The following ADIPOQ variants were observed in gnomAD, a reference collection of about 807,000 sequenced individuals.
ADIPOQ encodes the protein adiponectin.
In ADIPOQ, 19 loss-of-function variants were observed where a neutral mutation model predicts 16.1. The observed-to-expected ratio is 1.18, with a 90% CI of 0.82 to 1.73. The LOEUF is 1.73. Among genes scored for constraint, ADIPOQ ranks in the 40% most tolerant of loss-of-function variants. The pLI is 0.00. For synonymous variants in ADIPOQ, 124 were observed against 125.5 expected, an observed-to-expected ratio of 0.99 and a Z score of 0.08; for missense variants, 323 against 308.3, an observed-to-expected ratio of 1.05 and a Z score of -0.36.
chr3:186,847,429 AACT>A (rs1352955374), intron 1 of ADIPOQ, among the ~76,000 whole-genome samples: 1 of 152,254 alleles, frequency 6.6e-6, no homozygotes, highest in East Asian at 1.9e-4. Context: ...GTTATACAAC[AACT>A]ATGTTATTTA....
At position 186,854,592 on chromosome 3, in the gene ADIPOQ, G is replaced by A. The variant is rs200107352; in HGVS notation, c.623G>A (p.Gly208Asp). 3.7e-6 allele frequency: 6 copies of A among 1,614,032 alleles called. No homozygotes were observed. The highest frequency in any genetic ancestry group is 5.1e-6 in the Non-Finnish European group (6 of 1,179,912). The change falls in exon 3 of 3, where the codon GGC becomes GAC. Residue 208 changes from glycine to aspartate, a missense_variant. Transcript: ENST00000320741. The stretch of plus-strand genomic sequence containing the variant: ...TCTGTGCTCCTGCATCTGGAGGTGG[G>A]CGACCAAGTCTGGCTCCAGGTGTAT... ...SGSVLLHLEV[G>D]DQVWLQVYGE...
intron 1 of ADIPOQ, among the ~76,000 whole-genome samples, chr3:186,844,596 T>A (rs756198034): frequency 4.6e-4 from 69 of 150,710 alleles, no homozygotes; most frequent in Non-Finnish European, 3.1e-4. Context: ...CAGGCTGGAG[T>A]GCAGTGGTGC....
intron 1 of ADIPOQ, among the ~76,000 whole-genome samples, chr3:186,849,974 A>C (rs894735790): frequency 1.2e-4 from 18 of 152,210 alleles, no homozygotes; most frequent in Admixed American, 2.0e-4. Flanking sequence ...ACTGTTTAAC[A>C]CTTAGAGGCA....
rs201279481 is a variant in ADIPOQ, at chr3:186,857,325, C to T, written c.*2621C>T. On this transcript the variant is annotated 3_prime_UTR_variant, in exon 3 of 3. Transcript: ENST00000320741. ...TATTTTCCCTAAAGCAAAATTGGGA[C>T]ACTGTTATCAGAAATAGGAGAGTGG... is the stretch of plus-strand genomic sequence containing the variant. 3 of 152,166 alleles carry T rather than the reference C, an allele frequency of 2.0e-5. No individual in the cohort carries two copies. Among genetic ancestry groups the T allele is most frequent in the Non-Finnish European group, 4.4e-5 (3 of 68,044 alleles). The allele number at this position is 152,166 out of a possible 1,614,324, so 9.4% of individuals were successfully genotyped here. A position where few individuals can be genotyped will look rare whatever the true frequency, so the allele number is the denominator to read the frequency against.
In ADIPOQ at chr3:186,856,045, T is replaced by A. The variant is rs930156520; in HGVS notation, c.*1341T>A. 3.3e-5 allele frequency: 5 copies of A among 152,232 alleles called. No individual in the cohort carries two copies. The highest frequency in any genetic ancestry group is 9.6e-5 in the African/African-American group (4 of 41,454). The allele number at this position is 152,232 out of a possible 1,614,324, so 9.4% of individuals were successfully genotyped here. ...GTTCAGCTGGACAATATGAATCTTTTCCACTGAAGTTAGGGATGACTGTGA... is the reference window on the plus strand; with the variant it reads ...GTTCAGCTGGACAATATGAATCTTTACCACTGAAGTTAGGGATGACTGTGA... On this transcript the variant is annotated 3_prime_UTR_variant, in exon 3 of 3. Coordinates refer to ENST00000320741, the MANE Select transcript of ADIPOQ (RefSeq NM_004797.4).
At chr3:186,848,085 A>T (rs1183797817) in intron 1 of ADIPOQ, among the ~76,000 whole-genome samples, 1 of 152,012 alleles carries the variant, frequency 6.6e-6, no homozygotes, top group African/African-American at 2.4e-5. Flanking sequence ...AGGCAGGAGC[A>T]TCAGTTGAAC....
intron 2 of ADIPOQ, 148 bp from the exon 3 acceptor site, chr3:186,854,036 C>A: frequency 1.3e-6 from 1 of 786,588 alleles, no homozygotes; most frequent in South Asian, 2.0e-5. Context: ...GAGGTAACAC[C>A]TCTCTCCTTT....
chr3:186,854,642 T>C lies in ADIPOQ; in HGVS notation c.673T>C (p.Tyr225His). ...TGGGGAAGGAGAGCGTAATGGACTC[T>C]ATGCTGATAATGACAATGACTCCAC... Reference protein sequence around the residue: ...VYGEGERNGLYADNDNDSTFT... With the variant: ...VYGEGERNGLHADNDNDSTFT... The change falls in exon 3 of 3, where the codon TAT becomes CAT. Residue 225 changes from tyrosine (Y) to histidine (H), a missense_variant. By Grantham distance (83) the Tyr-to-His change is moderately conservative. Coordinates refer to ENST00000320741, the MANE Select transcript of ADIPOQ (RefSeq NM_004797.4). 1 of 1,614,206 alleles carries C rather than the reference T, an allele frequency of 6.2e-7. No homozygotes were observed.
chr3:186,848,165 T>C (rs1245895188), intron 1 of ADIPOQ, among the ~76,000 whole-genome samples: 1 of 83,648 alleles, frequency 1.2e-5, no homozygotes, highest in South Asian at 4.1e-4. Context: ...AAAGCGAGAC[T>C]CCACTTCAGA....
chr3:186,845,071 C>T (rs822389), intron 1 of ADIPOQ, among the ~76,000 whole-genome samples: 129,263 of 151,526 alleles, frequency 0.85, 55,292 homozygotes, highest in African/African-American at 0.94. Flanking sequence ...TGTGTGTGTG[C>T]GCGCGCGCAC....
chr3:186,845,692 G>C (rs916753767), intron 1 of ADIPOQ: 1 of 152,022 alleles, frequency 6.6e-6, no homozygotes, highest in Non-Finnish European at 1.5e-5. Flanking sequence ...TTTAAAAATG[G>C]GAGTTTGATA....
intron 1 of ADIPOQ, among the ~76,000 whole-genome samples, chr3:186,850,405 A>G (rs1711713178): frequency 6.6e-6 from 1 of 152,002 alleles, no homozygotes; most frequent in Non-Finnish European, 1.5e-5. Flanking sequence ...GCCCTTTTAT[A>G]CACACACTAA....
rs1712088436 is a variant in ADIPOQ, at chr3:186,858,319, A to G, written c.*3615A>G. ...GTGGTATATCTTTTTCCATCATGTTACTTTAAATATATCTATATTATTGTA... is the reference window on the plus strand; with the variant it reads ...GTGGTATATCTTTTTCCATCATGTTGCTTTAAATATATCTATATTATTGTA... On this transcript the variant is annotated 3_prime_UTR_variant, in exon 3 of 3. Transcript: ENST00000320741. 1 of 148,706 alleles carries G rather than the reference A, an allele frequency of 6.7e-6. No individual in the cohort carries two copies. Among genetic ancestry groups the G allele is most frequent in the African/African-American group, 2.4e-5 (1 of 41,198 alleles). The allele number at this position is 148,706 out of a possible 1,614,324, so 9.2% of individuals were successfully genotyped here.
chr3:186,853,191 G>A lies in ADIPOQ; in HGVS notation c.133G>A (p.Gly45Arg), dbSNP rs200573126. Residue 45 changes from glycine (G) to arginine (R), a missense_variant, in exon 2 of 3, where the codon GGG becomes AGG. Coordinates refer to ENST00000320741, the MANE Select transcript of ADIPOQ (RefSeq NM_004797.4). ...CACAGGTTGGATGGCGGGCATCCCA[G>A]GGCATCCGGGCCATAATGGGGCCCC... ...ACTGWMAGIP[G>R]HPGHNGAPGR... 1 of 1,614,014 alleles carries A rather than the reference G, an allele frequency of 6.2e-7. No homozygotes were observed. The highest frequency in any genetic ancestry group is 2.2e-5 in the East Asian group (1 of 44,878).
intron 1 of ADIPOQ, chr3:186,852,761 G>A (rs1711825473): frequency 2.5e-6 from 1 of 402,578 alleles, no homozygotes; most frequent in Admixed American, 3.8e-5. Flanking sequence ...CCTGTGCTCA[G>A]ACATGGGAAA....
At chr3:186,846,636 A>C (rs1208933817) in intron 1 of ADIPOQ, among the ~76,000 whole-genome samples, 3 of 152,066 alleles carry the variant, frequency 2.0e-5, no homozygotes, top group Admixed American at 6.6e-5. Flanking sequence ...CCCAGAGGGG[A>C]CCCTGTCCTT....
rs1427130854 is a variant in ADIPOQ, at chr3:186,855,802, A to C, written c.*1098A>C. The C allele has an allele frequency of 2.0e-5, 3 of 152,066 alleles. No homozygotes were observed. The highest frequency in any genetic ancestry group is 7.3e-5 in the African/African-American group (3 of 41,372). 9.4% of individuals were successfully genotyped at this position (152,066 alleles called of 1,614,324 possible). A position where few individuals can be genotyped will look rare whatever the true frequency, so the allele number is the denominator to read the frequency against. ...ATGGATGAGAGTCCTGGGTGTGAGG[A>C]ACACCTCCCACCAGGCTAGAGGCAA... On this transcript the variant is annotated 3_prime_UTR_variant, in exon 3 of 3. Coordinates refer to ENST00000320741, the MANE Select transcript of ADIPOQ (RefSeq NM_004797.4).
At chr3:186,844,367 G>C (rs1421020061) in intron 1 of ADIPOQ, among the ~76,000 whole-genome samples, 1 of 151,982 alleles carries the variant, frequency 6.6e-6, no homozygotes, top group African/African-American at 2.4e-5. Flanking sequence ...GGATGGTCTC[G>C]ATCTCTTGAC....
chr3:186,846,774 TC>T (rs1711590930), intron 1 of ADIPOQ, among the ~76,000 whole-genome samples: 2 of 152,136 alleles, frequency 1.3e-5, no homozygotes, highest in Non-Finnish European at 2.9e-5. Context: ...ATCACGGTCA[TC>T]CCCTGGTATA....
Sources: allele counts gnomAD v4.1 joint callset (sites outside exome capture counted in the v4.1 genomes callset), GRCh38; gene constraint gnomAD v4.1.1; transcripts MANE v1.5; gene names NCBI Gene and HGNC (gene_info 2026-07-23, HGNC 2026-07-21).